Variants in ATXN7L2 observed in about 807,000 individuals in gnomAD.
ATXN7L2 encodes ataxin-7-like protein 2.
A neutral mutation model predicts 59.6 loss-of-function variants in ATXN7L2; 17 were observed. That is an observed-to-expected ratio of 0.29 (90% CI 0.20 to 0.43). The LOEUF is 0.43. ATXN7L2 is among the 20% of genes least tolerant of loss of function. The pLI is 1.00. For missense variants in ATXN7L2, 858 were observed against 1,008.9 expected, an observed-to-expected ratio of 0.85 and a Z score of 2.03; for synonymous variants, 378 against 392.5, an observed-to-expected ratio of 0.96 and a Z score of 0.44.
At position 109,488,530 on chromosome 1, in the gene ATXN7L2, CAA is replaced by C. The variant is rs1656763394; in HGVS notation, c.879+67_879+68del. 1 of 1,480,882 alleles carries C rather than the reference CAA, an allele frequency of 6.8e-7. No individual in the cohort carries two copies. The highest frequency in any genetic ancestry group is 9.3e-7 in the Non-Finnish European group (1 of 1,076,390). 91.7% of individuals were successfully genotyped at this position (1,480,882 alleles called of 1,614,324 possible). A position where few individuals can be genotyped will look rare whatever the true frequency, so the allele number is the denominator to read the frequency against. Reference sequence around the variant, plus strand: ...AGGGCTTGCCCACTCCTTCCCTGGGCAAAGAGAGGAATGTCGATGTTACTGAA... The same window carrying C: ...AGGGCTTGCCCACTCCTTCCCTGGGCAGAGAGGAATGTCGATGTTACTGAA... On this transcript the variant is annotated intron_variant, in intron 6 of 10. Coordinates refer to ENST00000683729, the MANE Select transcript of ATXN7L2 (RefSeq NM_001350175.2). The surrounding 1 kb of genome is among the most constrained non-coding windows in gnomAD (Gnocchi z 5.0).
chr1:109,486,491 C>A lies in ATXN7L2; in HGVS notation c.194-15C>A, dbSNP rs773371631. 5 of 1,601,746 alleles carry A rather than the reference C, an allele frequency of 3.1e-6. No individual in the cohort carries two copies. The South Asian group carries it at 4.4e-5, about 14-fold the overall frequency. Reference sequence around the variant, plus strand: ...GGATCTTCAGCCCCAGTGACATGGGCTTCTGTCATTGCAGACATGTCCATC... The same window carrying A: ...GGATCTTCAGCCCCAGTGACATGGGATTCTGTCATTGCAGACATGTCCATC... On this transcript the variant is annotated splice_polypyrimidine_tract_variant and intron_variant, in intron 2 of 10. Transcript: ENST00000683729. This position sits in a 1 kb window ranked among gnomAD's most constrained non-coding sequence, Gnocchi z 4.3.
chr1:109,488,767 C>A lies in ATXN7L2; in HGVS notation c.880-80C>A. The A allele has an allele frequency of 6.6e-7, 1 of 1,507,442 alleles. No homozygotes were observed. The highest frequency in any genetic ancestry group is 1.3e-5 in the South Asian group (1 of 79,558). 93.4% of individuals were successfully genotyped at this position (1,507,442 alleles called of 1,614,324 possible). On this transcript the variant is annotated intron_variant, in intron 6 of 10. Transcript: ENST00000683729. This position sits in a 1 kb window ranked among gnomAD's most constrained non-coding sequence, Gnocchi z 5.0. ...CCTCTCTCCCTGCCCCCCAACTTGC[C>A]CGGGCCAAAGCACCCTGCCGTCCCT...
At position 109,487,009 on chromosome 1, in the gene ATXN7L2, A is replaced by G. The variant is rs1270228102; in HGVS notation, c.301A>G (p.Arg101Gly). 3 of 1,581,838 alleles carry G rather than the reference A, an allele frequency of 1.9e-6. No individual in the cohort carries two copies. The highest frequency in any genetic ancestry group is 2.6e-6 in the Non-Finnish European group (3 of 1,166,052). The change falls in exon 4 of 11, where the codon AGA (arginine) becomes GGA (glycine). Residue 101 changes from arginine (R) to glycine (G), a missense_variant and splice_region_variant. Physicochemically the swap from Arg to Gly is moderately radical, Grantham distance 125. Transcript: ENST00000683729. Reference sequence around the variant, plus strand: ...TTCTTTCCACCTCCTGGTGACAGAAAGAAGACATGGGCCCCTCAGCAAGCT... The same window carrying G: ...TTCTTTCCACCTCCTGGTGACAGAAGGAAGACATGGGCCCCTCAGCAAGCT... Reference protein sequence around the residue: ...KPQAFQKHCERRHGPLSKLYG... With the variant: ...KPQAFQKHCEGRHGPLSKLYG...
intron 1 of ATXN7L2, 58 bp downstream of exon 1, chr1:109,484,138 C>T (rs1222503927): frequency 7.5e-7 from 1 of 1,340,438 alleles, no homozygotes; most frequent in Non-Finnish European, 9.7e-7. Context: ...TCCCCCCTTC[C>T]GGGCCCCCGC....
chr1:109,491,766 G>A lies in ATXN7L2; in HGVS notation c.2250+49G>A, dbSNP rs1367392732. ...TTGATGAGGGTGGGGCACACAGGGG[G>A]TACCTGATACAGAGAAGATGCTACA... On this transcript the variant is annotated intron_variant, in intron 10 of 10. Transcript: ENST00000683729. This position sits in a 1 kb window ranked among gnomAD's most constrained non-coding sequence, Gnocchi z 4.1. 4.0e-6 allele frequency: 6 copies of A among 1,498,382 alleles called. No individual in the cohort carries two copies. Among genetic ancestry groups the A allele is most frequent in the South Asian group, 2.6e-5 (2 of 76,978 alleles). The allele number at this position is 1,498,382 out of a possible 1,614,324, so 92.8% of individuals were successfully genotyped here.
chr1:109,489,218 G>A (rs1571086851), intron 7 of ATXN7L2, 118 bp downstream of exon 7: 2 of 1,352,090 alleles, frequency 1.5e-6, no homozygotes, highest in Non-Finnish European at 2.0e-6. Context: ...AGCCCTGAGT[G>A]TGGGGGTATT....
In ATXN7L2 at chr1:109,491,946, A is replaced by G. The variant is rs74113900; in HGVS notation, c.2250+229A>G. ...CCTAACCCTTTCCCTTGGGCTGAGGAGATGCGGCACCCCTCCACCCCTGCT... is the reference window on the plus strand; with the variant it reads ...CCTAACCCTTTCCCTTGGGCTGAGGGGATGCGGCACCCCTCCACCCCTGCT... On this transcript the variant is annotated intron_variant, in intron 10 of 10. Transcript: ENST00000683729. This position sits in a 1 kb window ranked among gnomAD's most constrained non-coding sequence, Gnocchi z 4.1. The G allele has an allele frequency of 1.0e-3, 1,222 of 1,221,494 alleles. 10 individuals are homozygous for G. In the African/African-American group the frequency reaches 0.017, roughly 17 times the overall value. The allele number at this position is 1,221,494 out of a possible 1,614,324, so 75.7% of individuals were successfully genotyped here.
intron 5 of ATXN7L2, 135 bp downstream of exon 5, chr1:109,487,939 TCAC>T: frequency 9.3e-7 from 1 of 1,077,776 alleles, no homozygotes; most frequent in Non-Finnish European, 1.3e-6. Context: ...AGGAGCCCCG[TCAC>T]CTCTTGACCT....
At chr1:109,489,269 C>G (rs569081178) in intron 7 of ATXN7L2, 169 bp downstream of exon 7, 165 of 868,478 alleles carry the variant, frequency 1.9e-4, no homozygotes, top group South Asian at 5.8e-4. Context: ...GGAGACTCCC[C>G]TGTTTCCAAC....
chr1:109,489,874 C>G, intron 7 of ATXN7L2, 56 bp from the exon 8 acceptor site: 1 of 1,597,732 alleles, frequency 6.3e-7, no homozygotes. Context: ...CAAGGATGCC[C>G]CTACTCTGAC....
chr1:109,492,251 C>T (rs942229428), intron 10 of ATXN7L2: 1 of 516,962 alleles, frequency 1.9e-6, no homozygotes. Context: ...GTAAAGCCTG[C>T]AGCCAGTTTT....
In ATXN7L2 at chr1:109,487,779, C is replaced by T. The variant is rs1446021033; in HGVS notation, c.771C>T (p.Pro257=). ...PEKEPSGTRL[P]PKTHRKMARK... is the part of the protein sequence containing the mutation. ...AGGAGCCCAGTGGGACCAGGCTGCC[C>T]CCTAAAACCCACCGGAAGATGGCTC... Residue 257 remains proline (P), a synonymous_variant, in exon 5 of 11, where the codon CCC becomes CCT. Coordinates refer to ENST00000683729, the MANE Select transcript of ATXN7L2 (RefSeq NM_001350175.2). 5 of 1,600,430 alleles carry T rather than the reference C, an allele frequency of 3.1e-6. No individual in the cohort carries two copies. The highest frequency in any genetic ancestry group is 2.2e-5 in the South Asian group (2 of 89,372).
At chr1:109,489,848 T>G in intron 7 of ATXN7L2, 82 bp from the exon 8 acceptor site, 2 of 1,496,484 alleles carry the variant, frequency 1.3e-6, no homozygotes, top group Admixed American at 1.8e-5. Context: ...GCCCTGCTCT[T>G]TGAGCTCGGC....
At position 109,487,616 on chromosome 1, in the gene ATXN7L2, A is replaced by G. The variant is rs1656688540; in HGVS notation, c.608A>G (p.Gln203Arg). The G allele has an allele frequency of 6.3e-7, 1 of 1,592,594 alleles. No individual in the cohort carries two copies. Among genetic ancestry groups the G allele is most frequent in the Non-Finnish European group, 8.5e-7 (1 of 1,169,754 alleles). ...RVAPPSAFLS[Q>R]PGGLTKDSPG... ...GCCCCACCCTCTGCTTTTCTCAGCC[A>G]GCCAGGGGGCCTCACCAAGGACTCC... The change falls in exon 5 of 11, where the codon CAG becomes CGG. Residue 203 changes from glutamine to arginine, a missense_variant. Gln to Arg is a conservative substitution (Grantham distance 43). Coordinates refer to ENST00000683729, the MANE Select transcript of ATXN7L2 (RefSeq NM_001350175.2).
intron 7 of ATXN7L2, 29 bp downstream of exon 7, chr1:109,489,129 C>T: frequency 6.3e-7 from 1 of 1,592,428 alleles, no homozygotes; most frequent in Non-Finnish European, 8.6e-7. Flanking sequence ...CCCTACCTCA[C>T]CTGGGGGTAC....
Position 109,486,149 on chromosome 1 carries a change from G to T in ATXN7L2, c.193+27G>T. 6.4e-7 allele frequency: 1 copy of T among 1,556,276 alleles called. No individual in the cohort carries two copies. ...TGGGAGTCGACACACATTAGGGCTG[G>T]GACCCAGGGCAGACAGGACCACGCT... On this transcript the variant is annotated intron_variant, in intron 2 of 10. Coordinates refer to ENST00000683729, the MANE Select transcript of ATXN7L2 (RefSeq NM_001350175.2). The surrounding 1 kb of genome is among the most constrained non-coding windows in gnomAD (Gnocchi z 4.3).
chr1:109,485,792 T>G (rs1656546324), intron 1 of ATXN7L2: 3 of 1,146,520 alleles, frequency 2.6e-6, no homozygotes, highest in Non-Finnish European at 3.2e-6. Context: ...TTCTTCTTAG[T>G]GGGGCCATCT....
rs1656380610 is a variant in ATXN7L2 at position 109,484,064 on chromosome 1, C to A, written c.111C>A (p.Asp37Glu). The A allele has an allele frequency of 2.0e-6, 3 of 1,518,562 alleles. No individual in the cohort carries two copies. Among genetic ancestry groups the A allele is most frequent in the East Asian group, 5.4e-5 (2 of 37,104 alleles). The allele number at this position is 1,518,562 out of a possible 1,614,324, so 94.1% of individuals were successfully genotyped here. A position where few individuals can be genotyped will look rare whatever the true frequency, so the allele number is the denominator to read the frequency against. The change falls in exon 1 of 11, where the codon GAC becomes GAA. Residue 37 changes from aspartate to glutamate, a missense_variant. Physicochemically the swap from Asp to Glu is conservative, Grantham distance 45 (BLOSUM62 2). Transcript: ENST00000683729. ...QSWSSWVERADLPAADGAELE... is the reference protein window; with the variant it reads ...QSWSSWVERAELPAADGAELE... ...GGAGCTCGTGGGTGGAGCGGGCCGA[C>A]CTGCCCGCGGCTGACGGTGAGTAAA...
At position 109,490,125 on chromosome 1, in the gene ATXN7L2, G is replaced by T. The variant is rs1200382706; in HGVS notation, c.1329G>T (p.Gln443His). Residue 443 changes from glutamine to histidine, a missense_variant, in exon 8 of 11, where the codon CAG becomes CAT. Around this residue, in one of 3 missense-constraint regions of ATXN7L2, gnomAD observed 734 missense variants for 862.3 expected, o/e 0.85. Transcript: ENST00000683729. ...ATGCAACCCGGCCCCCACGGCCACA[G>T]GCGGTAAGGACCTGGAATAGGGGCC... ...CHYATRPPRP[Q>H]AFCTFGSRLV... 1 of 1,568,208 alleles carries T rather than the reference G, an allele frequency of 6.4e-7. No homozygotes were observed. The highest frequency in any genetic ancestry group is 8.6e-7 in the Non-Finnish European group (1 of 1,157,202).
Sources: gnomAD v4.1 joint callset for allele counts on GRCh38, gnomAD v4.1.1 for gene constraint, gnomAD v4.1.1 regional missense constraint, Gnocchi (gnomAD v3.1) non-coding constraint, MANE v1.5 for transcripts, NCBI Gene and HGNC (gene_info 2026-07-23, HGNC 2026-07-21) for gene names.